GALNT2: variants seen among roughly 807,000 people sequenced by gnomAD.
GALNT2 encodes the protein polypeptide N-acetylgalactosaminyltransferase 2.
A neutral mutation model predicts 81.4 loss-of-function variants in GALNT2; 31 were observed. The ratio of observed to expected loss-of-function variants is 0.38; its 90% CI spans 0.29 to 0.51. The LOEUF is 0.51. Among genes scored for constraint, GALNT2 ranks in the 20% least tolerant of loss-of-function variants. The pLI is 0.87. For synonymous variants in GALNT2, 303 were observed against 287.4 expected, an observed-to-expected ratio of 1.05 and a Z score of -0.55; for missense variants, 629 against 765.7, an observed-to-expected ratio of 0.82 and a Z score of 2.11.
chr1:230,209,700 G>A (rs911891869), intron 3 of GALNT2, among the ~76,000 whole-genome samples: 5 of 152,162 alleles, frequency 3.3e-5, no homozygotes, highest in Admixed American at 2.6e-4. Context: ...AAAATTAGCT[G>A]GGCATAGTGG....
In GALNT2 at chr1:230,243,824, G is replaced by A. The variant is rs952427533; in HGVS notation, c.729+397G>A. Among the ~76,000 whole-genome samples the A allele has an allele frequency of 6.6e-6, 1 of 152,180 alleles. No individual in the cohort carries two copies. The highest frequency in any genetic ancestry group is 1.5e-5 in the Non-Finnish European group (1 of 68,044). On this transcript the variant is annotated intron_variant, in intron 7 of 15. Transcript: ENST00000366672. This position sits in a 1 kb window ranked among gnomAD's most constrained non-coding sequence, Gnocchi z 4.2. ...TCTTGCAGCTCGCAGAGCGGGGCGT[G>A]CTGGGGAAGCTGTCCCTGGGGCCAC...
intron 1 of GALNT2, among the ~76,000 whole-genome samples, chr1:230,148,878 T>C (rs1489697470): frequency 6.7e-6 from 1 of 150,252 alleles, no homozygotes; most frequent in Non-Finnish European, 1.5e-5. Context: ...TAAGCCACCA[T>C]ACCCAGCCCC....
chr1:230,157,780 A>G (rs1047999468), intron 1 of GALNT2, among the ~76,000 whole-genome samples: 6 of 152,198 alleles, frequency 3.9e-5, no homozygotes, highest in Non-Finnish European at 7.3e-5. Flanking sequence ...GGAAAAGGCA[A>G]AACTACAGAG....
intron 1 of GALNT2, among the ~76,000 whole-genome samples, chr1:230,155,399 C>A (rs1662217471): frequency 6.6e-6 from 1 of 152,218 alleles, no homozygotes; most frequent in African/African-American, 2.4e-5. Context: ...ATCTCTTAAT[C>A]CCGGTCATCA....
chr1:230,061,842 G>A (rs1659056515), intron 1 of GALNT2, among the ~76,000 whole-genome samples: 1 of 152,142 alleles, frequency 6.6e-6, no homozygotes, highest in Non-Finnish European at 1.5e-5. Flanking sequence ...TGCATGGAGT[G>A]CTTTCCAGTG....
chr1:230,113,552 G>A (rs1266812583), intron 1 of GALNT2, among the ~76,000 whole-genome samples: 1 of 152,154 alleles, frequency 6.6e-6, no homozygotes, highest in Non-Finnish European at 1.5e-5. Flanking sequence ...CAACGGCTGA[G>A]CAATGACAGT....
chr1:230,176,225 G>C (rs1662974805), intron 1 of GALNT2, among the ~76,000 whole-genome samples: 1 of 152,114 alleles, frequency 6.6e-6, no homozygotes, highest in South Asian at 2.1e-4. Context: ...AAGGAAGAAG[G>C]GAGGGTGAGG....
intron 1 of GALNT2, among the ~76,000 whole-genome samples, chr1:230,124,861 C>T (rs1210061889): frequency 6.6e-6 from 1 of 152,120 alleles, no homozygotes; most frequent in Non-Finnish European, 1.5e-5. Flanking sequence ...TCTCTGAGAA[C>T]CCAGCTATGT....
At chr1:230,246,252 C>A in intron 8 of GALNT2, 102 bp downstream of exon 8, 2 of 916,232 alleles carry the variant, frequency 2.2e-6, no homozygotes, top group South Asian at 1.4e-5. Flanking sequence ...CAACAGTGTT[C>A]ACGCCGTAGT....
In GALNT2 at chr1:230,255,497, C is replaced by T. The variant is rs1052300218; in HGVS notation, c.1136+153C>T. On this transcript the variant is annotated intron_variant, in intron 11 of 15. Coordinates refer to ENST00000366672, the MANE Select transcript of GALNT2 (RefSeq NM_004481.5). ...CTTAGCAATTGAAAGGCGCATTCCA[C>T]GGATGCAGGATACAACCTGGGCGCC... is the stretch of plus-strand genomic sequence containing the variant. 7.0e-6 allele frequency: 7 copies of T among 994,208 alleles called. No individual in the cohort carries two copies. The South Asian group carries it at 7.8e-5, about 11-fold the overall frequency. The allele number at this position is 994,208 out of a possible 1,614,324, so 61.6% of individuals were successfully genotyped here.
chr1:230,069,157 C>T (rs930424654), intron 1 of GALNT2, among the ~76,000 whole-genome samples: 18 of 152,186 alleles, frequency 1.2e-4, no homozygotes, highest in African/African-American at 4.3e-4. Context: ...GTTCGCCTCC[C>T]GGAGGCTGAT....
In GALNT2 at chr1:230,275,579, C is replaced by CCA. The variant is rs1296094053; in HGVS notation, c.1560+1016_1560+1017dup. Among the ~76,000 whole-genome samples, 3 of 150,262 alleles carry CCA rather than the reference C, an allele frequency of 2.0e-5. No homozygotes were observed. The highest frequency in any genetic ancestry group is 1.5e-5 in the Non-Finnish European group (1 of 67,556). On this transcript the variant is annotated intron_variant, in intron 15 of 15. Coordinates refer to ENST00000366672, the MANE Select transcript of GALNT2 (RefSeq NM_004481.5). This position sits in a 1 kb window ranked among gnomAD's most constrained non-coding sequence, Gnocchi z 5.5. Reference sequence around the variant, plus strand: ...CCACATATATATACATATAAACACACCATATATATACATATAGATACATGC... The same window carrying CCA: ...CCACATATATATACATATAAACACACCACATATATATACATATAGATACATGC...
intron 7 of GALNT2, among the ~76,000 whole-genome samples, chr1:230,244,007 C>G (rs574469015): frequency 2.0e-5 from 3 of 152,010 alleles, no homozygotes; most frequent in Admixed American, 2.0e-4. Context: ...AACATCATTG[C>G]TAATATTACA....
At chr1:230,099,578 G>A (rs959439517) in intron 1 of GALNT2, among the ~76,000 whole-genome samples, 2 of 152,208 alleles carry the variant, frequency 1.3e-5, no homozygotes, top group African/African-American at 4.8e-5. Context: ...TGGTTTGAGG[G>A]TAGCATATGC....
At chr1:230,200,326 G>A (rs1663850678) in intron 2 of GALNT2, among the ~76,000 whole-genome samples, 1 of 152,144 alleles carries the variant, frequency 6.6e-6, no homozygotes, top group African/African-American at 2.4e-5. Context: ...CCTCCCCAAA[G>A]TGCTGGGATT....
intron 2 of GALNT2, among the ~76,000 whole-genome samples, chr1:230,194,039 T>G (rs1351436627): frequency 1.3e-5 from 2 of 152,142 alleles, no homozygotes; most frequent in African/African-American, 4.8e-5. Context: ...TTCCCAAAAC[T>G]AAACCAGGAA....
intron 1 of GALNT2, among the ~76,000 whole-genome samples, chr1:230,121,810 A>T (rs1396058720): frequency 1.3e-5 from 2 of 152,144 alleles, no homozygotes; most frequent in African/African-American, 4.8e-5. Flanking sequence ...GGACATTGGG[A>T]GCATCAGTAA....
intron 3 of GALNT2, among the ~76,000 whole-genome samples, chr1:230,215,097 T>G (rs537629009): frequency 6.6e-6 from 1 of 152,226 alleles, no homozygotes; most frequent in Non-Finnish European, 1.5e-5. Flanking sequence ...AAGCTGGGTT[T>G]CGGTCTTTTG....
chr1:230,172,509 A>G lies in GALNT2; in HGVS notation c.127-5709A>G, dbSNP rs533563624. ...AAGCTACTGAGTTTTGCAGCAGTTG[A>G]TAAGTCAGGTAGCCCTTCTGGATCC... On this transcript the variant is annotated intron_variant, in intron 1 of 15. Coordinates refer to ENST00000366672, the MANE Select transcript of GALNT2 (RefSeq NM_004481.5). Among the ~76,000 whole-genome samples, 51 of 152,354 alleles carry G rather than the reference A, an allele frequency of 3.3e-4. 1 individual carries two copies. The Middle Eastern group carries it at 0.01, about 30-fold the overall frequency.
Sources: gnomAD v4.1 joint callset for allele counts (sites outside exome capture counted in the v4.1 genomes callset) on GRCh38, gnomAD v4.1.1 for gene constraint, Gnocchi (gnomAD v3.1) non-coding constraint, MANE v1.5 for transcripts, NCBI Gene and HGNC (gene_info 2026-07-23, HGNC 2026-07-21) for gene names.